The following IL1RAPL2 variants were observed in gnomAD, a reference collection of about 807,000 sequenced individuals.
The protein encoded by IL1RAPL2 is X-linked interleukin-1 receptor accessory protein-like 2.
A neutral mutation model predicts 44.1 loss-of-function variants in IL1RAPL2; 3 were observed. That is an observed-to-expected ratio of 0.07 (90% confidence interval 0.03 to 0.18). IL1RAPL2 has a LOEUF of 0.18. Among genes scored for constraint, IL1RAPL2 ranks in the 10% least tolerant of loss-of-function variants. The pLI is 1.00. For missense variants in IL1RAPL2, 391 were observed against 496.4 expected (o/e 0.79, Z 2.02); for synonymous variants, 181 against 178.8 (o/e 1.01, Z -0.10).
chrX:105,396,757 AGAG>A (rs1347449915), intron 5 of IL1RAPL2, among the ~76,000 whole-genome samples: 1 of 109,100 alleles, frequency 9.2e-6, no homozygotes, highest in East Asian at 3.0e-4. Flanking sequence ...TCATGCTGGT[AGAG>A]GAGGATAGAA....
At chrX:105,740,231 T>G (rs1193393360) in intron 7 of IL1RAPL2, among the ~76,000 whole-genome samples, 4 of 111,652 alleles carry the variant, frequency 3.6e-5, no homozygotes, top group African/African-American at 9.8e-5. Context: ...CTGGTTTTTT[T>G]GAAAGGATCA....
intron 2 of IL1RAPL2, among the ~76,000 whole-genome samples, chrX:105,133,747 G>T (rs1209967595): frequency 9.0e-6 from 1 of 110,845 alleles, no homozygotes; most frequent in Non-Finnish European, 1.9e-5. Context: ...GGACTTCTAT[G>T]TGTCCTTGCC....
At chrX:104,846,370 C>T (rs759371555) in intron 2 of IL1RAPL2, among the ~76,000 whole-genome samples, 62 of 109,396 alleles carry the variant, frequency 5.7e-4, no homozygotes, top group African/African-American at 1.5e-3. Flanking sequence ...CGACAGGCCC[C>T]GGTGTGTGAT....
At chrX:105,622,632 G>A (rs376025101) in intron 6 of IL1RAPL2, among the ~76,000 whole-genome samples, 2 of 111,498 alleles carry the variant, frequency 1.8e-5, no homozygotes, top group South Asian at 7.4e-4. Context: ...AATGTGTCCA[G>A]TGACAGGAAC....
At chrX:104,833,978 CA>C (rs1248043418) in intron 2 of IL1RAPL2, among the ~76,000 whole-genome samples, 3 of 111,270 alleles carry the variant, frequency 2.7e-5, no homozygotes, top group Non-Finnish European at 1.9e-5. Context: ...TTTCTTTATT[CA>C]TAATCTACAA....
intron 2 of IL1RAPL2, among the ~76,000 whole-genome samples, chrX:105,062,997 CT>C (rs2032093763): frequency 9.0e-6 from 1 of 111,499 alleles, no homozygotes; most frequent in Admixed American, 9.5e-5. Context: ...GGGAAGTTGT[CT>C]GTTATCCCTT....
intron 2 of IL1RAPL2, among the ~76,000 whole-genome samples, chrX:104,837,667 T>C (rs1041302965): frequency 2.7e-5 from 3 of 111,875 alleles, no homozygotes; most frequent in African/African-American, 9.8e-5. Context: ...TTTTCTCCCA[T>C]TCTGTAGGTT....
At chrX:105,436,506 T>C (rs1267081926) in intron 5 of IL1RAPL2, among the ~76,000 whole-genome samples, 1 of 111,847 alleles carries the variant, frequency 8.9e-6, no homozygotes, top group Non-Finnish European at 1.9e-5. Context: ...TTAGAGACAC[T>C]TTTCTATGTA....
chrX:104,647,010 T>C (rs1195409880), intron 1 of IL1RAPL2, among the ~76,000 whole-genome samples: 1 of 110,802 alleles, frequency 9.0e-6, no homozygotes, highest in Non-Finnish European at 1.9e-5. Context: ...CTAAGGATTA[T>C]AGTAGTGTCA....
At chrX:105,110,861 C>T (rs1192646659) in intron 2 of IL1RAPL2, among the ~76,000 whole-genome samples, 1 of 111,366 alleles carries the variant, frequency 9.0e-6, no homozygotes, top group Non-Finnish European at 1.9e-5. Context: ...CGCTTGAACC[C>T]AGGAGACAGA....
intron 6 of IL1RAPL2, among the ~76,000 whole-genome samples, chrX:105,628,956 A>T (rs963516692): frequency 1.1e-4 from 12 of 110,288 alleles, no homozygotes; most frequent in Non-Finnish European, 2.3e-4. Flanking sequence ...AAAAAAAAAA[A>T]GTTGAGCAGG....
intron 5 of IL1RAPL2, among the ~76,000 whole-genome samples, chrX:105,447,862 T>G (rs2035983731): frequency 1.1e-5 from 1 of 92,680 alleles, no homozygotes; most frequent in African/African-American, 4.0e-5. Flanking sequence ...TAAATATATA[T>G]AAATATATTA....
chrX:105,249,571 C>T (rs1259164591), intron 4 of IL1RAPL2, among the ~76,000 whole-genome samples: 2 of 111,313 alleles, frequency 1.8e-5, no homozygotes, highest in Admixed American at 1.9e-4. Context: ...GATTATTACA[C>T]ATTGGATGTC....
chrX:104,831,956 C>A (rs1177953944), intron 2 of IL1RAPL2, among the ~76,000 whole-genome samples: 1 of 111,466 alleles, frequency 9.0e-6, no homozygotes, highest in Non-Finnish European at 1.9e-5. Flanking sequence ...GTAAGCATAC[C>A]GTTGGCTTGT....
chrX:105,583,608 A>T (rs143206006), intron 6 of IL1RAPL2, among the ~76,000 whole-genome samples: 11 of 111,629 alleles, frequency 9.9e-5, no homozygotes, highest in Non-Finnish European at 2.1e-4. Context: ...CTATGTAGTG[A>T]TATCTCCTCT....
intron 2 of IL1RAPL2, among the ~76,000 whole-genome samples, chrX:104,665,462 T>C (rs1026369889): frequency 9.0e-6 from 1 of 111,071 alleles, no homozygotes; most frequent in Admixed American, 9.7e-5. Flanking sequence ...ATTACAATTG[T>C]GTATCATGCT....
chrX:104,620,974 T>TATAATATATAAATTCTATAATTTATATA lies in IL1RAPL2; in HGVS notation c.-19-37913_-19-37912insTAAATTCTATAATTTATATAATAATATA, dbSNP rs1569282627. On this transcript the variant is annotated intron_variant, in intron 1 of 10. Coordinates refer to ENST00000372582, the MANE Select transcript of IL1RAPL2 (RefSeq NM_017416.2). ...ATAAATTCTATAATTTATATAATAA[T>TATAATATATAAATTCTATAATTTATATA]ATAATATAATAACATATACATTCTA... Among the ~76,000 whole-genome samples the TATAATATATAAATTCTATAATTTATATA allele has an allele frequency of 1.5e-4, 13 of 87,206 alleles. 1 individual carries two copies. The highest frequency in any genetic ancestry group is 9.9e-4 in the African/African-American group (12 of 12,102). 75.7% of individuals were successfully genotyped at this position (87,206 alleles called of 115,157 possible).
intron 2 of IL1RAPL2, among the ~76,000 whole-genome samples, chrX:105,130,394 A>T (rs1365522697): frequency 1.8e-5 from 2 of 111,485 alleles, no homozygotes; most frequent in African/African-American, 6.5e-5. Context: ...GAGAAGTACT[A>T]TTCTGTACCA....
At chrX:104,780,455 G>A (rs1426454065) in intron 2 of IL1RAPL2, among the ~76,000 whole-genome samples, 3 of 111,661 alleles carry the variant, frequency 2.7e-5, no homozygotes, top group African/African-American at 9.8e-5. Flanking sequence ...TGGCTAGGAA[G>A]GGGGTGTCAG....
Sources: gnomAD v4.1 joint callset for allele counts (sites outside exome capture counted in the v4.1 genomes callset) on GRCh38, gnomAD v4.1.1 for gene constraint, MANE v1.5 for transcripts, NCBI Gene and HGNC (gene_info 2026-07-23, HGNC 2026-07-21) for gene names.